Variants in PYCR1 observed in about 807,000 individuals in gnomAD.
PYCR1 encodes the protein pyrroline-5-carboxylate reductase 1, mitochondrial.
Under a neutral mutation model 22.9 loss-of-function variants are expected in PYCR1, and 19 were observed. The ratio of observed to expected loss-of-function variants is 0.83; its 90% CI spans 0.58 to 1.22. PYCR1 has a LOEUF of 1.22. Ranked by LOEUF, PYCR1 falls within the 50% of genes most tolerant of loss-of-function variation. The probability of loss-of-function intolerance (pLI) is 0.00; values close to 1 mark genes in which losing one functional copy is unlikely to be tolerated. For missense variants in PYCR1, 429 were observed against 431.3 expected, an observed-to-expected ratio of 0.99 and a Z score of 0.05; for synonymous variants, 175 against 180.5, an observed-to-expected ratio of 0.97 and a Z score of 0.24.
In PYCR1 at chr17:81,935,077, TC is replaced by T. The variant is rs750721260; in HGVS notation, c.388del (p.Glu130ArgfsTer24). 6.2e-7 allele frequency: 1 copy of T among 1,610,554 alleles called. No individual in the cohort carries two copies. The highest frequency in any genetic ancestry group is 1.1e-5 in the South Asian group (1 of 91,034). ...CMTNTPVVVREGATVYATGTH... is the reference protein window; with the variant it reads ...CMTNTPVVVRXGATVYATGTH... Reference sequence around the variant, plus strand: ...GCCTGTGGCATACACGGTGGCCCCCTCCCGCACCACGACTGGAGTGTTGGTC... The same window carrying T: ...GCCTGTGGCATACACGGTGGCCCCCTCCGCACCACGACTGGAGTGTTGGTC... On this transcript the variant is annotated frameshift_variant, in exon 4 of 7. Transcript: ENST00000329875. LOFTEE classifies it high-confidence loss of function.
rs553351836 is a variant in PYCR1 at position 81,936,158 on chromosome 17, G to C, written c.103C>G (p.Pro35Ala). ...GAAACTGTGGCCAGGTCCATGTCTG[G>C]GGAGCTAGCCATTATCTTGTGGGCA... is the stretch of plus-strand genomic sequence containing the variant. ...LAAHKIMASS[P>A]DMDLATVSAL... The change falls in exon 2 of 7, where the codon CCA becomes GCA. Residue 35 changes from proline to alanine, a missense_variant. Pro to Ala is a conservative substitution (Grantham distance 27). Coordinates refer to ENST00000329875, the MANE Select transcript of PYCR1 (RefSeq NM_006907.4). 2.5e-6 allele frequency: 4 copies of C among 1,613,790 alleles called. No individual in the cohort carries two copies. Among genetic ancestry groups the C allele is most frequent in the Non-Finnish European group, 3.4e-6 (4 of 1,179,906 alleles).
In PYCR1 at chr17:81,936,116, C is replaced by T. The variant is rs2041181476; in HGVS notation, c.138+7G>A. The T allele has an allele frequency of 1.2e-6, 2 of 1,613,746 alleles. No individual in the cohort carries two copies. The highest frequency in any genetic ancestry group is 2.7e-5 in the African/African-American group (2 of 75,070). On this transcript the variant is annotated splice_region_variant and intron_variant, in intron 2 of 6. Coordinates refer to ENST00000329875, the MANE Select transcript of PYCR1 (RefSeq NM_006907.4). Reference sequence around the variant, plus strand: ...CAGTCTCCTTTCTCCCTTTCATCTGCACCTACCCTGAGAGCAGAAACTGTG... The same window carrying T: ...CAGTCTCCTTTCTCCCTTTCATCTGTACCTACCCTGAGAGCAGAAACTGTG...
chr17:81,933,533 G>C (rs946131562), intron 6 of PYCR1, among the ~76,000 whole-genome samples, 157 bp from the exon 7 acceptor site: 1 of 152,168 alleles, frequency 6.6e-6, no homozygotes, highest in African/African-American at 2.4e-5. Context: ...CCCCCACACA[G>C]CTGCTGGGCT....
chr17:81,937,044 A>T lies in PYCR1; in HGVS notation c.-230T>A. ...AGCGGCGGTGCCTGGCCTGCTGCCT[A>T]GGGTCCCGCACCCACTGGAGGGGTG... On this transcript the variant is annotated 5_prime_UTR_variant, in exon 1 of 7. Transcript: ENST00000329875. 6.9e-7 allele frequency: 1 copy of T among 1,450,318 alleles called. No homozygotes were observed. Among genetic ancestry groups the T allele is most frequent in the Non-Finnish European group, 9.1e-7 (1 of 1,103,476 alleles). The allele number at this position is 1,450,318 out of a possible 1,614,324, so 89.8% of individuals were successfully genotyped here.
At position 81,933,103 on chromosome 17, in the gene PYCR1, GC is replaced by G; in HGVS notation, c.*110del. ...CCCTCCCTGGCTATGTCCCTGGCTG[GC>G]CCCTGCGCTGATCAGAGCCACAGAA... On this transcript the variant is annotated 3_prime_UTR_variant, in exon 7 of 7. Transcript: ENST00000329875. 6.3e-7 allele frequency: 1 copy of G among 1,598,298 alleles called. No homozygotes were observed. Among genetic ancestry groups the G allele is most frequent in the Non-Finnish European group, 8.5e-7 (1 of 1,177,076 alleles).
At chr17:81,934,237 C>T (rs1172098548) in intron 6 of PYCR1, 89 bp downstream of exon 6, 5 of 1,555,006 alleles carry the variant, frequency 3.2e-6, no homozygotes, top group East Asian at 2.3e-5. Flanking sequence ...TACGTATCTG[C>T]TGAGTGCGTG....
chr17:81,936,263 T>A, intron 1 of PYCR1, 70 bp from the exon 2 acceptor site: 1 of 1,493,352 alleles, frequency 6.7e-7, no homozygotes, highest in Non-Finnish European at 9.2e-7. Context: ...TCTCGCTGTG[T>A]TGCCCAGGCT....
chr17:81,934,817 C>G (rs1333116924), intron 4 of PYCR1, 72 bp from the exon 5 acceptor site: 2 of 1,538,256 alleles, frequency 1.3e-6, no homozygotes, highest in South Asian at 1.2e-5. Context: ...GCTCCAGTTC[C>G]CACAGCCTTG....
intron 1 of PYCR1, 59 bp downstream of exon 1, chr17:81,936,689 A>C: frequency 1.3e-6 from 2 of 1,539,546 alleles, no homozygotes; most frequent in South Asian, 2.4e-5. Flanking sequence ...AGCCCTGCAG[A>C]AGTGGAAAGA....
Position 81,936,162 on chromosome 17 carries a change from G to A in PYCR1, c.99C>T (p.Ser33=). The A allele has an allele frequency of 6.2e-7, 1 of 1,613,818 alleles. No homozygotes were observed. The highest frequency in any genetic ancestry group is 8.5e-7 in the Non-Finnish European group (1 of 1,179,884). The part of the protein sequence containing the change: ...GVLAAHKIMA[S]SPDMDLATVS... ...CTGTGGCCAGGTCCATGTCTGGGGA[G>A]CTAGCCATTATCTTGTGGGCAGCCA... is the stretch of plus-strand genomic sequence containing the variant. Residue 33 remains serine (S), a synonymous_variant, in exon 2 of 7, where the codon AGC becomes AGT. Transcript: ENST00000329875.
intron 2 of PYCR1, 110 bp from the exon 3 acceptor site, chr17:81,935,626 GCAGGGCT>G: frequency 3.7e-6 from 3 of 819,162 alleles, no homozygotes; most frequent in Non-Finnish European, 5.8e-6. Context: ...TTGGGGGTGG[GCAGGGCT>G]GGGGGCTCAG....
rs1252212339 is a variant in PYCR1 at position 81,932,552 on chromosome 17, G to A, written c.*662C>T. On this transcript the variant is annotated 3_prime_UTR_variant, in exon 7 of 7. Coordinates refer to ENST00000329875, the MANE Select transcript of PYCR1 (RefSeq NM_006907.4). The stretch of plus-strand genomic sequence containing the variant: ...TGTGGCAGACAGAAGTCAGGACACT[G>A]GGGGCTGGAAACCAACTTATAAAAC... The A allele has an allele frequency of 2.5e-6, 1 of 394,268 alleles. No homozygotes were observed. The highest frequency in any genetic ancestry group is 5.8e-5 in the East Asian group (1 of 17,250). The allele number at this position is 394,268 out of a possible 1,614,324, so 24.4% of individuals were successfully genotyped here. A position where few individuals can be genotyped will look rare whatever the true frequency, so the allele number is the denominator to read the frequency against.
At position 81,934,242 on chromosome 17, in the gene PYCR1, T is replaced by C. The variant is rs775217260; in HGVS notation, c.797+84A>G. On this transcript the variant is annotated intron_variant, in intron 6 of 6. Coordinates refer to ENST00000329875, the MANE Select transcript of PYCR1 (RefSeq NM_006907.4). ...TGGAGCTCAATACGTATCTGCTGAG[T>C]GCGTGAATGAGCAGATGTGTGTGAG... 81 of 1,563,652 alleles carry C rather than the reference T, an allele frequency of 5.2e-5. 1 individual carries two copies. Among genetic ancestry groups the C allele is most frequent in the Non-Finnish European group, 6.7e-5 (77 of 1,151,342 alleles).
chr17:81,933,424 G>A, intron 6 of PYCR1, 48 bp from the exon 7 acceptor site: 8 of 1,606,388 alleles, frequency 5.0e-6, no homozygotes, highest in African/African-American at 1.3e-5. Context: ...CGTGCACCCA[G>A]GAAGAGGGAG....
intron 6 of PYCR1, among the ~76,000 whole-genome samples, chr17:81,933,710 C>T (rs569741986): frequency 1.3e-5 from 2 of 152,324 alleles, no homozygotes; most frequent in South Asian, 4.1e-4. Flanking sequence ...TACAGGGTGG[C>T]ACTCGCAGAG....
At chr17:81,935,201 C>A in intron 3 of PYCR1, 54 bp from the exon 4 acceptor site, 1 of 1,569,708 alleles carries the variant, frequency 6.4e-7, no homozygotes, top group Non-Finnish European at 8.6e-7. Context: ...CCTAGATGCA[C>A]TCACCCCACC....
At chr17:81,935,604 A>T in intron 2 of PYCR1, 88 bp from the exon 3 acceptor site, 18 of 823,188 alleles carry the variant, frequency 2.2e-5, no homozygotes, top group Admixed American at 2.2e-5. Context: ...AATGGCACAG[A>T]GAATGCTGGA....
At chr17:81,935,561 G>A (rs748222903) in intron 2 of PYCR1, 45 bp from the exon 3 acceptor site, 4 of 1,508,188 alleles carry the variant, frequency 2.7e-6, no homozygotes, top group South Asian at 2.3e-5. Context: ...GTGGCTGTCT[G>A]TACCCCCACC....
In PYCR1 at chr17:81,934,329, G is replaced by T; in HGVS notation, c.794C>A (p.Thr265Lys). Residue 265 changes from threonine to lysine, a missense_variant, in exon 6 of 7, where the codon ACA becomes AAA. By Grantham distance (78) the Thr-to-Lys change is moderately conservative. Coordinates refer to ENST00000329875, the MANE Select transcript of PYCR1 (RefSeq NM_006907.4). ...AGCGGGCAGCGCGGGGGCCCACCGT[G>T]TGCGGATGCAGGAGGCCTCCACAGC... is the stretch of plus-strand genomic sequence containing the variant. ...INAVEASCIR[T>K]RELQSMADQE... is the part of the protein sequence containing the mutation. 1 of 1,612,890 alleles carries T rather than the reference G, an allele frequency of 6.2e-7. No homozygotes were observed. The highest frequency in any genetic ancestry group is 8.5e-7 in the Non-Finnish European group (1 of 1,179,974).
Sources: allele counts gnomAD v4.1 joint callset (sites outside exome capture counted in the v4.1 genomes callset), GRCh38; gene constraint gnomAD v4.1.1; transcripts MANE v1.5; gene names NCBI Gene and HGNC (gene_info 2026-07-23, HGNC 2026-07-21).